Variants in PRUNE2 observed in about 807,000 individuals in gnomAD.
The protein encoded by PRUNE2 is prune homolog 2 with BCH domain.
PRUNE2 carries 164 observed loss-of-function variants against 252.0 expected under a neutral mutation model. That is an observed-to-expected ratio of 0.65 (90% CI 0.57 to 0.74). The LOEUF (loss-of-function observed/expected upper bound fraction) is 0.74. PRUNE2 is among the 30% of genes least tolerant of loss of function. The pLI is 0.00. For missense variants in PRUNE2, 3,495 were observed against 3,711.0 expected (o/e 0.94, Z 1.51); for synonymous variants, 1,292 against 1,350.2 (o/e 0.96, Z 0.94).
intron 16 of PRUNE2, among the ~76,000 whole-genome samples, 153 bp downstream of exon 16, chr9:76,629,039 T>A (rs1379730846): frequency 6.6e-6 from 1 of 152,134 alleles, no homozygotes; most frequent in Non-Finnish European, 1.5e-5. Flanking sequence ...GAATGGGGTT[T>A]TGCTATGTTG....
chr9:76,698,151 A>G (rs1295466106), intron 9 of PRUNE2, among the ~76,000 whole-genome samples: 1 of 151,450 alleles, frequency 6.6e-6, no homozygotes, highest in Admixed American at 6.6e-5. Context: ...GGTTCAAGCG[A>G]TTCTCTTGCC....
At chr9:76,626,077 A>G (rs1343159345) in intron 16 of PRUNE2, among the ~76,000 whole-genome samples, 1 of 152,170 alleles carries the variant, frequency 6.6e-6, no homozygotes, top group Admixed American at 6.6e-5. Context: ...AAACACACAT[A>G]AAAAAAGGTT....
chr9:76,701,140 G>C (rs577237307), intron 9 of PRUNE2, among the ~76,000 whole-genome samples: 2 of 152,138 alleles, frequency 1.3e-5, no homozygotes, highest in Admixed American at 6.5e-5. Flanking sequence ...TCCTGATTCC[G>C]GAGGTCTGAG....
chr9:76,833,731 C>G (rs1474602281), intron 4 of PRUNE2, among the ~76,000 whole-genome samples: 2 of 149,822 alleles, frequency 1.3e-5, no homozygotes, highest in African/African-American at 4.9e-5. Flanking sequence ...CGCCACTGCA[C>G]TCCAGCCTGG....
intron 2 of PRUNE2, among the ~76,000 whole-genome samples, chr9:76,852,113 G>C (rs1164900209): frequency 6.6e-6 from 1 of 152,134 alleles, no homozygotes; most frequent in Non-Finnish European, 1.5e-5. Context: ...AAACCAGTCT[G>C]GCACATAGTA....
chr9:76,670,023 A>G (rs973691597), intron 9 of PRUNE2, among the ~76,000 whole-genome samples: 1 of 152,094 alleles, frequency 6.6e-6, no homozygotes, highest in Non-Finnish European at 1.5e-5. Context: ...TCATTCAGTG[A>G]CTTAACAAAA....
intron 9 of PRUNE2, chr9:76,692,147 T>C: frequency 1.4e-6 from 1 of 717,470 alleles, no homozygotes; most frequent in South Asian, 1.5e-5. Flanking sequence ...AGCATCTCTC[T>C]TCTGAGCAGT....
intron 6 of PRUNE2, among the ~76,000 whole-genome samples, chr9:76,809,440 G>A (rs1263475088): frequency 6.6e-6 from 1 of 152,260 alleles, no homozygotes; most frequent in East Asian, 1.9e-4. Flanking sequence ...GCTCACGCCT[G>A]TAATCCTAGC....
At chr9:76,768,161 C>A (rs909744040) in intron 6 of PRUNE2, among the ~76,000 whole-genome samples, 1 of 152,044 alleles carries the variant, frequency 6.6e-6, no homozygotes, top group Non-Finnish European at 1.5e-5. Flanking sequence ...CTTGGCTATA[C>A]CTTGCCCTTG....
chr9:76,867,141 T>A (rs1043724566), intron 1 of PRUNE2, among the ~76,000 whole-genome samples: 3 of 152,114 alleles, frequency 2.0e-5, no homozygotes, highest in African/African-American at 7.2e-5. Flanking sequence ...TTGTCTGCCA[T>A]CCCACGCACC....
Position 76,906,061 on chromosome 9 carries a change from G to T in PRUNE2, c.-98C>A. The T allele has an allele frequency of 1.5e-6, 2 of 1,344,586 alleles. No homozygotes were observed. The highest frequency in any genetic ancestry group is 1.2e-5 in the South Asian group (1 of 84,920). 83.3% of individuals were successfully genotyped at this position (1,344,586 alleles called of 1,614,324 possible). A position where few individuals can be genotyped will look rare whatever the true frequency, so the allele number is the denominator to read the frequency against. On this transcript the variant is annotated 5_prime_UTR_variant, in exon 1 of 19. Coordinates refer to ENST00000376718, the MANE Select transcript of PRUNE2 (RefSeq NM_015225.3). ...CGGGGTCCCGGGAAAGTGGCCCGCC[G>T]GGGCGCAGCGACCGACTGCTCCCTC...
intron 11 of PRUNE2, among the ~76,000 whole-genome samples, chr9:76,651,518 T>C (rs1490127047): frequency 6.6e-6 from 1 of 152,220 alleles, no homozygotes; most frequent in African/African-American, 2.4e-5. Flanking sequence ...AATAGCTGTG[T>C]CCCAGACTCT....
chr9:76,804,571 C>T (rs951363250), intron 6 of PRUNE2, among the ~76,000 whole-genome samples: 1 of 152,182 alleles, frequency 6.6e-6, no homozygotes, highest in African/African-American at 2.4e-5. Context: ...CCCTCCAGAG[C>T]CAGGCTTTAC....
chr9:76,723,864 G>A (rs2047858412), intron 6 of PRUNE2, among the ~76,000 whole-genome samples: 1 of 149,490 alleles, frequency 6.7e-6, no homozygotes, highest in Non-Finnish European at 1.5e-5. Flanking sequence ...CTGGGGTGCA[G>A]TGGTGCGATC....
intron 12 of PRUNE2, among the ~76,000 whole-genome samples, chr9:76,640,305 A>T (rs1043182286): frequency 6.6e-6 from 1 of 152,186 alleles, no homozygotes; most frequent in African/African-American, 2.4e-5. Flanking sequence ...GTTTAATAAG[A>T]TGTTTTCTAC....
intron 1 of PRUNE2, chr9:76,862,488 T>C (rs188146356): frequency 9.1e-4 from 138 of 152,306 alleles, no homozygotes; most frequent in African/African-American, 3.2e-3. Context: ...GGCCTCCAGG[T>C]TGGAGTCATG....
In PRUNE2 at chr9:76,678,917, T is replaced by C. The variant is rs1462191559; in HGVS notation, c.8277-23415A>G. ...AGGTCTGAGACATAACCCCAAGAGA[T>C]ATGTGGGCCTCTACGGACAGCTAGG... On this transcript the variant is annotated intron_variant, in intron 9 of 18. Coordinates refer to ENST00000376718, the MANE Select transcript of PRUNE2 (RefSeq NM_015225.3). Among the ~76,000 whole-genome samples the C allele has an allele frequency of 2.0e-5, 3 of 152,160 alleles. No homozygotes were observed. The East Asian group carries it at 5.8e-4, about 29-fold the overall frequency.
At position 76,839,135 on chromosome 9, in the gene PRUNE2, G is replaced by A. The variant is rs899724663; in HGVS notation, c.508+7380C>T. Among the ~76,000 whole-genome samples, 9 of 152,288 alleles carry A rather than the reference G, an allele frequency of 5.9e-5. 1 individual carries two copies. Among genetic ancestry groups the A allele is most frequent in the African/African-American group, 1.4e-4 (6 of 41,550 alleles). ...ATTAAGAATGTTAGAAGGATGGACT[G>A]AAGGGGACGGAAATTAAAGTATTAT... On this transcript the variant is annotated intron_variant, in intron 4 of 18. Transcript: ENST00000376718.
chr9:76,758,520 T>TG (rs58459041), intron 6 of PRUNE2: 18,144 of 143,750 alleles, frequency 0.13, 1,500 homozygotes, highest in East Asian at 0.37. Flanking sequence ...TTTTTTTTTT[T>TG]AGACAGAGTC....
Sources: gnomAD v4.1 joint callset for allele counts (sites outside exome capture counted in the v4.1 genomes callset) on GRCh38, gnomAD v4.1.1 for gene constraint, MANE v1.5 for transcripts, NCBI Gene and HGNC (gene_info 2026-07-23, HGNC 2026-07-21) for gene names.